The following GNB1L variants were observed in gnomAD, a reference collection of about 807,000 sequenced individuals.
GNB1L encodes the protein G protein subunit beta 1 like.
Under a neutral mutation model 29.1 loss-of-function variants are expected in GNB1L, and 20 were observed. That is an observed-to-expected ratio of 0.69 (90% CI 0.48 to 1.00). The LOEUF is 1.00. Among genes scored for constraint, GNB1L ranks in the 50% least tolerant of loss-of-function variants. The pLI, the probability that GNB1L is intolerant of heterozygous loss-of-function variation, is 0.00. For missense variants in GNB1L, 421 were observed against 464.9 expected, an observed-to-expected ratio of 0.91 and a Z score of 0.87; for synonymous variants, 193 against 206.5, an observed-to-expected ratio of 0.93 and a Z score of 0.56.
chr22:19,847,485 T>C, intron 2 of GNB1L: 1 of 985,330 alleles, frequency 1.0e-6, no homozygotes, highest in Non-Finnish European at 1.2e-6. Context: ...ATTCAACCCT[T>C]CTAACCACCC....
chr22:19,796,454 G>A (rs987478183), intron 7 of GNB1L, among the ~76,000 whole-genome samples: 2 of 152,156 alleles, frequency 1.3e-5, no homozygotes, highest in Non-Finnish European at 2.9e-5. Context: ...AAAACTGGAC[G>A]GCCCCGCATT....
intron 4 of GNB1L, among the ~76,000 whole-genome samples, chr22:19,814,231 A>G (rs2145876893): frequency 6.6e-6 from 1 of 152,302 alleles, no homozygotes; most frequent in African/African-American, 2.4e-5. Flanking sequence ...GGGATGAGGG[A>G]AACGAGAATA....
rs184645778 is a variant in GNB1L, at chr22:19,836,898, G to A, written c.-20-15523C>T. ...TGATTTTTAAAAAAACCCTCAGAAA[G>A]CATAATCCATAAGATAAAAAACACA... is the stretch of plus-strand genomic sequence containing the variant. On this transcript the variant is annotated intron_variant, in intron 2 of 7. Coordinates refer to ENST00000329517, the MANE Select transcript of GNB1L (RefSeq NM_053004.3). Among the ~76,000 whole-genome samples the A allele has an allele frequency of 5.5e-4, 83 of 151,586 alleles. 1 individual carries two copies. The East Asian group carries it at 0.011, about 20-fold the overall frequency.
At chr22:19,844,482 T>C (rs1330687460) in intron 2 of GNB1L, among the ~76,000 whole-genome samples, 1 of 152,158 alleles carries the variant, frequency 6.6e-6, no homozygotes, top group Non-Finnish European at 1.5e-5. Flanking sequence ...GCTGGCCAGC[T>C]CCACAGTCAG....
chr22:19,790,295 G>A (rs745853983), intron 7 of GNB1L, among the ~76,000 whole-genome samples: 7 of 152,156 alleles, frequency 4.6e-5, no homozygotes, highest in Non-Finnish European at 8.8e-5. Context: ...AGAAATATGG[G>A]AGGCACTGAG....
intron 2 of GNB1L, among the ~76,000 whole-genome samples, chr22:19,827,576 C>T (rs1601340913): frequency 6.6e-6 from 1 of 152,276 alleles, no homozygotes; most frequent in Middle Eastern, 3.4e-3. Flanking sequence ...CGTAAATGTC[C>T]AATAAATATA....
chr22:19,826,503 A>C (rs1442344635), intron 2 of GNB1L, among the ~76,000 whole-genome samples: 1 of 152,244 alleles, frequency 6.6e-6, no homozygotes, highest in Non-Finnish European at 1.5e-5. Context: ...CGGGTATATA[A>C]GGCAAGGGTG....
chr22:19,836,781 A>C (rs1937771196), intron 2 of GNB1L, among the ~76,000 whole-genome samples: 1 of 152,194 alleles, frequency 6.6e-6, no homozygotes, highest in African/African-American at 2.4e-5. Flanking sequence ...AAAATCATTC[A>C]ATGTAAACTC....
At chr22:19,823,292 G>T (rs1333130775) in intron 2 of GNB1L, among the ~76,000 whole-genome samples, 1 of 152,212 alleles carries the variant, frequency 6.6e-6, no homozygotes, top group Non-Finnish European at 1.5e-5. Context: ...GCTTCCAGGG[G>T]AGGCAGAGGG....
chr22:19,796,791 G>A lies in GNB1L; in HGVS notation c.732+5210C>T, dbSNP rs530526791. ...AGGGAAGGCTGAGTGCCGATGGGCT[G>A]TGCACCTGACCCCAGGCAGGGCAGC... On this transcript the variant is annotated intron_variant, in intron 7 of 7. Coordinates refer to ENST00000329517, the MANE Select transcript of GNB1L (RefSeq NM_053004.3). Among the ~76,000 whole-genome samples, 11 of 152,324 alleles carry A rather than the reference G, an allele frequency of 7.2e-5. No individual in the cohort carries two copies. In the South Asian group the frequency reaches 1.2e-3, roughly 17 times the overall value.
intron 6 of GNB1L, among the ~76,000 whole-genome samples, chr22:19,804,985 C>T (rs1463163995): frequency 6.6e-6 from 1 of 152,194 alleles, no homozygotes; most frequent in Admixed American, 6.5e-5. Flanking sequence ...GGGCGTTTTT[C>T]CTCCCAGCGG....
Position 19,788,812 on chromosome 22 carries a change from T to TG in GNB1L, c.880dup (p.His294ProfsTer143). 6.2e-7 allele frequency: 1 copy of TG among 1,612,664 alleles called. No individual in the cohort carries two copies. On this transcript the variant is annotated frameshift_variant, in exon 8 of 8. Transcript: ENST00000329517. LOFTEE classifies it high-confidence loss of function. ...GGCCACGCACTGGACAGCGGCGCTG[T>TG]GGAAGGCCAGCACGGCCAGTGGCTG... is the stretch of plus-strand genomic sequence containing the variant.
chr22:19,793,399 A>T (rs1047716358), intron 7 of GNB1L, among the ~76,000 whole-genome samples: 1 of 152,162 alleles, frequency 6.6e-6, no homozygotes, highest in African/African-American at 2.4e-5. Flanking sequence ...CAATCTGAAG[A>T]GAGAAAAAAC....
intron 4 of GNB1L, among the ~76,000 whole-genome samples, chr22:19,818,697 C>T (rs1197984434): frequency 1.3e-5 from 2 of 152,228 alleles, no homozygotes; most frequent in African/African-American, 4.8e-5. Context: ...GAGAACAGGC[C>T]TGTCCTTCTG....
intron 2 of GNB1L, chr22:19,850,744 C>T (rs187131418): frequency 7.8e-4 from 965 of 1,241,144 alleles, no homozygotes; most frequent in Admixed American, 2.8e-3. Flanking sequence ...CATACAGGAA[C>T]GAGGTCCCAA....
chr22:19,801,971 T>C (rs1362156116), intron 7 of GNB1L, 30 bp downstream of exon 7: 1 of 1,519,938 alleles, frequency 6.6e-7, no homozygotes, highest in South Asian at 1.2e-5. Flanking sequence ...CAGAGCAGGA[T>C]AAATGAGACC....
chr22:19,839,128 G>A (rs950610221), intron 2 of GNB1L, among the ~76,000 whole-genome samples: 1 of 152,220 alleles, frequency 6.6e-6, no homozygotes, highest in Admixed American at 6.5e-5. Flanking sequence ...TCATGGATCA[G>A]AAGGAGGGGG....
chr22:19,844,190 G>T (rs573818171), intron 2 of GNB1L, among the ~76,000 whole-genome samples: 61 of 152,334 alleles, frequency 4.0e-4, no homozygotes, highest in Non-Finnish European at 6.8e-4. Flanking sequence ...TGTGAGGGAG[G>T]GTCCCAGAGA....
At chr22:19,817,003 G>A (rs1212825005) in intron 4 of GNB1L, among the ~76,000 whole-genome samples, 1 of 152,206 alleles carries the variant, frequency 6.6e-6, no homozygotes, top group East Asian at 1.9e-4. Flanking sequence ...GGCCTTCACT[G>A]CACACCGTAG....
Sources: allele counts gnomAD v4.1 joint callset (sites outside exome capture counted in the v4.1 genomes callset), GRCh38; gene constraint gnomAD v4.1.1; transcripts MANE v1.5; gene names NCBI Gene and HGNC (gene_info 2026-07-23, HGNC 2026-07-21).